Variants in SNTG2 observed in about 807,000 individuals in gnomAD.
The protein encoded by SNTG2 is syntrophin gamma 2.
Under a neutral mutation model 70.9 loss-of-function variants are expected in SNTG2, and 74 were observed. The observed-to-expected ratio is 1.04, with a 90% CI of 0.86 to 1.27. SNTG2 has a LOEUF of 1.27. Ranked by LOEUF, SNTG2 falls within the 50% of genes most tolerant of loss-of-function variation. The pLI is 0.00. For synonymous variants in SNTG2, 278 were observed against 273.8 expected, an observed-to-expected ratio of 1.02 and a Z score of -0.15; for missense variants, 717 against 690.7, an observed-to-expected ratio of 1.04 and a Z score of -0.43.
intron 16 of SNTG2, among the ~76,000 whole-genome samples, chr2:1,341,919 C>T (rs1285156686): frequency 8.0e-5 from 12 of 150,198 alleles, no homozygotes; most frequent in African/African-American, 2.7e-4. Flanking sequence ...AGTCATAGCT[C>T]ACTGCAGGCT....
intron 1 of SNTG2, among the ~76,000 whole-genome samples, chr2:978,336 A>G (rs1415477794): frequency 1.3e-5 from 2 of 152,210 alleles, no homozygotes; most frequent in Non-Finnish European, 2.9e-5. Context: ...GCATTATTCA[A>G]CGTTCTTTTT....
chr2:1,312,697 AC>A (rs1681064244), intron 15 of SNTG2, among the ~76,000 whole-genome samples: 2 of 152,192 alleles, frequency 1.3e-5, no homozygotes, highest in Non-Finnish European at 2.9e-5. Flanking sequence ...CACTTCCCAC[AC>A]CGCAGCAAAT....
chr2:1,117,765 G>T (rs1046319703), intron 4 of SNTG2, among the ~76,000 whole-genome samples: 1 of 152,196 alleles, frequency 6.6e-6, no homozygotes, highest in African/African-American at 2.4e-5. Flanking sequence ...CCCAGGCTGC[G>T]CTGGCATCTT....
intron 8 of SNTG2, among the ~76,000 whole-genome samples, chr2:1,173,564 G>A (rs1229408623): frequency 6.6e-6 from 1 of 152,260 alleles, no homozygotes; most frequent in Non-Finnish European, 1.5e-5. Context: ...TATGAACACT[G>A]TATAATGCAG....
intron 1 of SNTG2, among the ~76,000 whole-genome samples, chr2:1,065,361 C>A (rs1203243532): frequency 6.6e-6 from 1 of 152,152 alleles, no homozygotes; most frequent in East Asian, 1.9e-4. Flanking sequence ...GGAACATATT[C>A]ATGATTACAT....
chr2:1,049,069 C>G (rs1661904871), intron 1 of SNTG2, among the ~76,000 whole-genome samples: 2 of 152,098 alleles, frequency 1.3e-5, no homozygotes, highest in Non-Finnish European at 2.9e-5. Flanking sequence ...CTATGTACTC[C>G]TAGTCCCCCT....
chr2:1,364,369 A>G (rs1371594542), intron 16 of SNTG2, among the ~76,000 whole-genome samples: 2 of 152,130 alleles, frequency 1.3e-5, no homozygotes, highest in African/African-American at 2.4e-5. Context: ...GTGCATTATT[A>G]CTGGTAGCTG....
At chr2:1,197,549 G>A (rs77618610) in intron 8 of SNTG2, among the ~76,000 whole-genome samples, 65,913 of 136,750 alleles carry the variant, frequency 0.48, 17,284 homozygotes, top group East Asian at 0.64. Flanking sequence ...GTGTGTGTGT[G>A]TATATTTGAT....
chr2:1,229,785 G>A (rs932359230), intron 9 of SNTG2, among the ~76,000 whole-genome samples: 6 of 152,372 alleles, frequency 3.9e-5, no homozygotes, highest in Non-Finnish European at 8.8e-5. Context: ...TGAGTGCAGC[G>A]CCGGTGGGCT....
At chr2:1,015,573 C>T (rs1659864735) in intron 1 of SNTG2, among the ~76,000 whole-genome samples, 1 of 152,152 alleles carries the variant, frequency 6.6e-6, no homozygotes, top group African/African-American at 2.4e-5. Flanking sequence ...CCTTTAAGGC[C>T]AGTAAACGTG....
chr2:1,063,939 T>G (rs955968093), intron 1 of SNTG2, among the ~76,000 whole-genome samples: 6 of 152,210 alleles, frequency 3.9e-5, no homozygotes, highest in Non-Finnish European at 7.3e-5. Flanking sequence ...AAAAGTTCAC[T>G]GGACCCCAAA....
chr2:1,222,045 CTG>C (rs1553362146), intron 9 of SNTG2, among the ~76,000 whole-genome samples: 1 of 46,596 alleles, frequency 2.1e-5, no homozygotes, highest in Non-Finnish European at 4.3e-5. Context: ...CTGTCTCTCT[CTG>C]TCTCTCTCTG....
rs186570706 is a variant in SNTG2 at position 1,264,064 on chromosome 2, A to G, written c.1078-3301A>G. Among the ~76,000 whole-genome samples the G allele has an allele frequency of 5.2e-5, 8 of 152,382 alleles. No homozygotes were observed. The East Asian group carries it at 1.2e-3, about 22-fold the overall frequency. ...TATGTTGGAAAATTTTTTGAAAACA[A>G]TTTAACAATTGTAAAAACCTCTTAA... On this transcript the variant is annotated intron_variant, in intron 13 of 16. Coordinates refer to ENST00000308624, the MANE Select transcript of SNTG2 (RefSeq NM_018968.4).
chr2:1,134,678 A>C (rs559127632), intron 4 of SNTG2, among the ~76,000 whole-genome samples: 181 of 152,196 alleles, frequency 1.2e-3, no homozygotes, highest in Non-Finnish European at 2.3e-3. Context: ...TGGATCCCCC[A>C]CCGGGGCTGC....
At position 1,247,442 on chromosome 2, in the gene SNTG2, C is replaced by T. The variant is rs367595548; in HGVS notation, c.1004C>T (p.Pro335Leu). The change falls in exon 12 of 17, where the codon CCG becomes CTG. Residue 335 changes from proline to leucine, a missense_variant and splice_region_variant. By Grantham distance (98) the Pro-to-Leu change is moderately conservative (BLOSUM62 -3). Transcript: ENST00000308624. ...GPSFYVFSTPPVSTFDWVRAE... is the reference protein window; with the variant it reads ...GPSFYVFSTPLVSTFDWVRAE... ...TCCTTCTACGTTTTCAGCACTCCTC[C>T]GGTAAGGATGCTTTTGACACTCCAC... 2.0e-5 allele frequency: 32 copies of T among 1,606,360 alleles called. No homozygotes were observed. Among genetic ancestry groups the T allele is most frequent in the Non-Finnish European group, 2.6e-5 (30 of 1,173,166 alleles).
intron 12 of SNTG2, among the ~76,000 whole-genome samples, chr2:1,253,163 A>G (rs1677861895): frequency 6.6e-6 from 1 of 152,144 alleles, no homozygotes; most frequent in Non-Finnish European, 1.5e-5. Flanking sequence ...GATGTCAGCC[A>G]TGGGAGAAGC....
intron 8 of SNTG2, among the ~76,000 whole-genome samples, chr2:1,174,983 TTTTG>T (rs1226231533): frequency 6.6e-6 from 1 of 152,260 alleles, no homozygotes; most frequent in Admixed American, 6.5e-5. Context: ...GGCTTTTTCA[TTTTG>T]TTTGTGCTAT....
At chr2:1,296,184 C>T (rs1680206361) in intron 14 of SNTG2, among the ~76,000 whole-genome samples, 1 of 152,210 alleles carries the variant, frequency 6.6e-6, no homozygotes. Flanking sequence ...TGCCTCGCAC[C>T]ATGGCCACTT....
chr2:1,044,545 T>C lies in SNTG2; in HGVS notation c.73-38973T>C, dbSNP rs112617896. ...GTGGGTTTGTCATAGATAGTTCTTA[T>C]ATTCTGAGACAATTTCCTTCAATGC... On this transcript the variant is annotated intron_variant, in intron 1 of 16. Transcript: ENST00000308624. Among the ~76,000 whole-genome samples, 65 of 152,362 alleles carry C rather than the reference T, an allele frequency of 4.3e-4. 1 individual carries two copies. The highest frequency in any genetic ancestry group is 1.5e-3 in the African/African-American group (64 of 41,594).
Sources: gnomAD v4.1 joint callset for allele counts (sites outside exome capture counted in the v4.1 genomes callset) on GRCh38, gnomAD v4.1.1 for gene constraint, MANE v1.5 for transcripts, NCBI Gene and HGNC (gene_info 2026-07-23, HGNC 2026-07-21) for gene names.